Variants in AGPAT3 observed in about 807,000 individuals in gnomAD.
AGPAT3 encodes 1-acyl-sn-glycerol-3-phosphate acyltransferase gamma.
In AGPAT3, 5 loss-of-function variants were observed where a neutral mutation model predicts 47.3. The ratio of observed to expected loss-of-function variants is 0.11; its 90% CI spans 0.06 to 0.22. The LOEUF is 0.22. Ranked by LOEUF, AGPAT3 falls within the 10% of genes least tolerant of loss-of-function variation. The pLI, the probability that AGPAT3 is intolerant of heterozygous loss-of-function variation, is 1.00. For synonymous variants in AGPAT3, 212 were observed against 208.3 expected, an observed-to-expected ratio of 1.02 and a Z score of -0.15; for missense variants, 315 against 493.0, an observed-to-expected ratio of 0.64 and a Z score of 3.42.
At chr21:43,956,413 G>A (rs1156852467) in intron 2 of AGPAT3, among the ~76,000 whole-genome samples, 1 of 152,210 alleles carries the variant, frequency 6.6e-6, no homozygotes, top group Admixed American at 6.5e-5. Flanking sequence ...TTGCTCACCT[G>A]TCAACTGGGG....
intron 2 of AGPAT3, among the ~76,000 whole-genome samples, chr21:43,915,868 G>A (rs989644426): frequency 3.3e-5 from 5 of 151,958 alleles, no homozygotes; most frequent in African/African-American, 1.2e-4. Context: ...TTAAGTTGGA[G>A]GCTTCATTCA....
chr21:43,949,206 A>T, intron 2 of AGPAT3, among the ~76,000 whole-genome samples: 1 of 152,210 alleles, frequency 6.6e-6, no homozygotes, highest in East Asian at 1.9e-4. Context: ...TGTATCATTT[A>T]CATATTACTA....
rs1373527353 is a variant in AGPAT3, at chr21:43,939,138, TGC to T, written c.-48-20495_-48-20494del. ...CTGGGGACAGGTTCGTTGTGTCTGA[TGC>T]CGTGGGAGATGCACGAGCAGTGACT... On this transcript the variant is annotated intron_variant, in intron 2 of 9. Transcript: ENST00000291572. This position sits in a 1 kb window ranked among gnomAD's most constrained non-coding sequence, Gnocchi z 4.4. 1.3e-5 allele frequency among the ~76,000 whole-genome samples: 2 copies of T among 152,192 alleles called. No individual in the cohort carries two copies. Among genetic ancestry groups the T allele is most frequent in the Non-Finnish European group, 2.9e-5 (2 of 68,020 alleles).
At chr21:43,971,702 G>A (rs1438397423) in intron 7 of AGPAT3, among the ~76,000 whole-genome samples, 3 of 152,216 alleles carry the variant, frequency 2.0e-5, no homozygotes, top group East Asian at 1.9e-4. Flanking sequence ...TGCAGGCCAC[G>A]GAGAGGACAT....
chr21:43,894,217 CTT>C (rs11370715), intron 1 of AGPAT3, among the ~76,000 whole-genome samples: 40 of 140,132 alleles, frequency 2.9e-4, no homozygotes, highest in Non-Finnish European at 3.1e-4. Flanking sequence ...TTCTTTCTTT[CTT>C]TTTTTTTTTT....
intron 3 of AGPAT3, 100 bp from the exon 4 acceptor site, chr21:43,967,846 C>T: frequency 8.1e-7 from 1 of 1,239,708 alleles, no homozygotes; most frequent in Non-Finnish European, 1.1e-6. Context: ...CAGAGACTTC[C>T]TCTCTGGACA....
rs1019573220 is a variant in AGPAT3 at position 43,930,876 on chromosome 21, G to A, written c.-49+26857G>A. On this transcript the variant is annotated intron_variant, in intron 2 of 9. Coordinates refer to ENST00000291572, the MANE Select transcript of AGPAT3 (RefSeq NM_020132.5). The surrounding 1 kb of genome is among the most constrained non-coding windows in gnomAD (Gnocchi z 5.0). Reference sequence around the variant, plus strand: ...AAGGGGCCTGCTGCCCTGTCCCCTCGGGCGGGCGCCACTTCCTTCCTGCAT... The same window carrying A: ...AAGGGGCCTGCTGCCCTGTCCCCTCAGGCGGGCGCCACTTCCTTCCTGCAT... 1.3e-5 allele frequency among the ~76,000 whole-genome samples: 2 copies of A among 152,162 alleles called. No individual in the cohort carries two copies. Among genetic ancestry groups the A allele is most frequent in the African/African-American group, 2.4e-5 (1 of 41,430 alleles).
intron 2 of AGPAT3, chr21:43,947,053 G>A (rs2146434776): frequency 6.6e-6 from 1 of 152,472 alleles, no homozygotes; most frequent in East Asian, 1.9e-4. Flanking sequence ...AGCTCAGAGA[G>A]CTGGGGTAGG....
intron 2 of AGPAT3, among the ~76,000 whole-genome samples, chr21:43,937,464 G>A (rs1425257299): frequency 2.6e-5 from 4 of 152,220 alleles, no homozygotes; most frequent in Non-Finnish European, 5.9e-5. Flanking sequence ...GCTTTCCACT[G>A]CAGGCCTGTC....
At chr21:43,916,772 A>G (rs942564144) in intron 2 of AGPAT3, among the ~76,000 whole-genome samples, 3 of 152,158 alleles carry the variant, frequency 2.0e-5, no homozygotes, top group African/African-American at 2.4e-5. Context: ...AGGGAGTTGC[A>G]GATAAAATAC....
Position 43,952,283 on chromosome 21 carries a change from A to G in AGPAT3, c.-48-7351A>G, listed in dbSNP as rs903121884. Among the ~76,000 whole-genome samples, 1 of 152,150 alleles carries G rather than the reference A, an allele frequency of 6.6e-6. No homozygotes were observed. The highest frequency in any genetic ancestry group is 1.5e-5 in the Non-Finnish European group (1 of 68,028). On this transcript the variant is annotated intron_variant, in intron 2 of 9. Coordinates refer to ENST00000291572, the MANE Select transcript of AGPAT3 (RefSeq NM_020132.5). This position sits in a 1 kb window ranked among gnomAD's most constrained non-coding sequence, Gnocchi z 5.6. ...CTGCAGGCGGTCTCCCTTTTTCATA[A>G]GGACACCGGTCAGATGGAATCAGCG...
chr21:43,961,033 G>A (rs1223014391), intron 3 of AGPAT3, among the ~76,000 whole-genome samples: 5 of 152,004 alleles, frequency 3.3e-5, no homozygotes, highest in Admixed American at 1.3e-4. Flanking sequence ...CCAGCTACTC[G>A]GGAGGCTGAG....
chr21:43,896,896 A>G (rs1360422430), intron 1 of AGPAT3, among the ~76,000 whole-genome samples: 2 of 149,354 alleles, frequency 1.3e-5, no homozygotes, highest in Non-Finnish European at 3.0e-5. Flanking sequence ...TCTCTTGTAG[A>G]CAGTGTATGA....
At chr21:43,883,462 T>TGGGCCCC (rs1466303378) in intron 1 of AGPAT3, among the ~76,000 whole-genome samples, 1 of 152,206 alleles carries the variant, frequency 6.6e-6, no homozygotes, top group Non-Finnish European at 1.5e-5. Context: ...GCCGGGGCCC[T>TGGGCCCC]GGGCCCCGGG....
rs1004651903 is a variant in AGPAT3, at chr21:43,932,431, T to C, written c.-48-27203T>C. 6.6e-6 allele frequency among the ~76,000 whole-genome samples: 1 copy of C among 152,228 alleles called. No individual in the cohort carries two copies. Among genetic ancestry groups the C allele is most frequent in the Non-Finnish European group, 1.5e-5 (1 of 68,042 alleles). On this transcript the variant is annotated intron_variant, in intron 2 of 9. Coordinates refer to ENST00000291572, the MANE Select transcript of AGPAT3 (RefSeq NM_020132.5). This position sits in a 1 kb window ranked among gnomAD's most constrained non-coding sequence, Gnocchi z 5.2. The stretch of plus-strand genomic sequence containing the variant: ...CCACGTTTGTCTGTGATGTTGCCAG[T>C]GACAGGACTTCCTTCTTCCTTATGG...
intron 2 of AGPAT3, among the ~76,000 whole-genome samples, chr21:43,915,661 G>A (rs755657331): frequency 6.6e-6 from 1 of 151,490 alleles, no homozygotes; most frequent in Non-Finnish European, 1.5e-5. Flanking sequence ...ATCCACCCGC[G>A]TTGGTCTCCC....
intron 1 of AGPAT3, among the ~76,000 whole-genome samples, chr21:43,897,585 C>T (rs187024152): frequency 4.3e-5 from 6 of 138,170 alleles, no homozygotes; most frequent in South Asian, 2.3e-4. Context: ...ACATCCCAGA[C>T]GGGGCGGCCG....
At chr21:43,869,053 T>G (rs759106486) in intron 1 of AGPAT3, among the ~76,000 whole-genome samples, 7 of 152,210 alleles carry the variant, frequency 4.6e-5, no homozygotes, top group Non-Finnish European at 1.0e-4. Context: ...ACGTATTCAT[T>G]TAAACACTTT....
chr21:43,958,886 GGTGT>G (rs927005375), intron 2 of AGPAT3, among the ~76,000 whole-genome samples: 2 of 144,112 alleles, frequency 1.4e-5, no homozygotes, highest in Non-Finnish European at 3.1e-5. Flanking sequence ...TGGTGTGTAT[GGTGT>G]GTGTGTGGGT....
Sources: allele counts gnomAD v4.1 joint callset (sites outside exome capture counted in the v4.1 genomes callset), GRCh38; gene constraint gnomAD v4.1.1; non-coding constraint Gnocchi (gnomAD v3.1); transcripts MANE v1.5; gene names NCBI Gene and HGNC (gene_info 2026-07-23, HGNC 2026-07-21).